Variants in SGMS1 observed in about 807,000 individuals in gnomAD.
The protein encoded by SGMS1 is phosphatidylcholine:ceramide cholinephosphotransferase 1.
In SGMS1, 13 loss-of-function variants were observed where a neutral mutation model predicts 46.2. The ratio of observed to expected loss-of-function variants is 0.28; its 90% CI spans 0.18 to 0.45. SGMS1 has a LOEUF of 0.45. SGMS1 is among the 20% of genes least tolerant of loss of function. The probability of loss-of-function intolerance (pLI) is 1.00; values close to 1 mark genes in which losing one functional copy is unlikely to be tolerated. For synonymous variants in SGMS1, 203 were observed against 187.8 expected, an observed-to-expected ratio of 1.08 and a Z score of -0.66; for missense variants, 324 against 519.9, an observed-to-expected ratio of 0.62 and a Z score of 3.66.
At chr10:50,503,620 C>A (rs970844009) in intron 3 of SGMS1, among the ~76,000 whole-genome samples, 3 of 152,226 alleles carry the variant, frequency 2.0e-5, no homozygotes, top group Non-Finnish European at 4.4e-5. Context: ...TCGGACTCAG[C>A]CCGCCTGCAC....
chr10:50,521,491 G>C (rs1837856508), intron 2 of SGMS1, among the ~76,000 whole-genome samples: 1 of 152,090 alleles, frequency 6.6e-6, no homozygotes, highest in Non-Finnish European at 1.5e-5. Flanking sequence ...GCCATATTCA[G>C]TTAACCTAAT....
Position 50,305,610 on chromosome 10 carries a change from G to A in SGMS1, c.*1532C>T, listed in dbSNP as rs1332546580. 1 of 152,646 alleles carries A rather than the reference G, an allele frequency of 6.6e-6. No homozygotes were observed. The highest frequency in any genetic ancestry group is 2.4e-5 in the African/African-American group (1 of 41,420). 9.5% of individuals were successfully genotyped at this position (152,646 alleles called of 1,614,324 possible). On this transcript the variant is annotated 3_prime_UTR_variant, in exon 11 of 11. Coordinates refer to ENST00000361781, the MANE Select transcript of SGMS1 (RefSeq NM_147156.4). ...TAGAAATAACAGCCATTTATTTTAA[G>A]TATCAGTTTTTATTAAAAAGTGCAT...
At chr10:50,411,772 C>T (rs79370472) in intron 6 of SGMS1, among the ~76,000 whole-genome samples, 2,251 of 152,248 alleles carry the variant, frequency 0.015, 60 homozygotes, top group African/African-American at 0.051. Context: ...AATTTTGTAT[C>T]ACCAGTTCAG....
intron 1 of SGMS1, among the ~76,000 whole-genome samples, chr10:50,623,084 G>A (rs560447050): frequency 6.6e-6 from 1 of 152,174 alleles, no homozygotes; most frequent in South Asian, 2.1e-4. Context: ...AGCCTGGCGG[G>A]CTGTTACGCG....
At chr10:50,501,826 A>G (rs1360107990) in intron 3 of SGMS1, among the ~76,000 whole-genome samples, 1 of 152,106 alleles carries the variant, frequency 6.6e-6, no homozygotes, top group Non-Finnish European at 1.5e-5. Flanking sequence ...TATCATTGAA[A>G]CCCTAAGAAA....
At chr10:50,501,097 C>T (rs1250846455) in intron 3 of SGMS1, among the ~76,000 whole-genome samples, 1 of 152,132 alleles carries the variant, frequency 6.6e-6, no homozygotes, top group Non-Finnish European at 1.5e-5. Flanking sequence ...GGCCTCCTTC[C>T]CTCTCATCCC....
chr10:50,443,696 G>A (rs1312264131), intron 5 of SGMS1, among the ~76,000 whole-genome samples: 2 of 151,868 alleles, frequency 1.3e-5, no homozygotes, highest in Non-Finnish European at 1.5e-5. Context: ...CCCATAGAAA[G>A]GAATGAGGAA....
intron 2 of SGMS1, among the ~76,000 whole-genome samples, chr10:50,558,359 T>A (rs1006441258): frequency 1.2e-4 from 18 of 152,210 alleles, no homozygotes; most frequent in African/African-American, 4.1e-4. Context: ...CACTCCCATG[T>A]ACTGAATCTA....
chr10:50,616,981 A>G (rs7096920), intron 1 of SGMS1, among the ~76,000 whole-genome samples: 37,787 of 152,142 alleles, frequency 0.25, 5,596 homozygotes, highest in African/African-American at 0.4. Flanking sequence ...ATATGGAAGT[A>G]TAAACATCCA....
intron 5 of SGMS1, among the ~76,000 whole-genome samples, chr10:50,445,770 G>C (rs1008852124): frequency 6.6e-6 from 1 of 152,200 alleles, no homozygotes; most frequent in African/African-American, 2.4e-5. Flanking sequence ...TAACAGCGAT[G>C]TTCAGGGAAC....
At chr10:50,527,980 A>G (rs954711904) in intron 2 of SGMS1, among the ~76,000 whole-genome samples, 7 of 152,218 alleles carry the variant, frequency 4.6e-5, no homozygotes, top group African/African-American at 1.7e-4. Context: ...AAAATTTATG[A>G]AAGAGTTTAG....
At chr10:50,441,748 C>T (rs889128590) in intron 5 of SGMS1, among the ~76,000 whole-genome samples, 1 of 152,196 alleles carries the variant, frequency 6.6e-6, no homozygotes, top group African/African-American at 2.4e-5. Context: ...ATTGGAGCAT[C>T]CTAATTTAAA....
At chr10:50,496,064 T>C (rs1311656303) in intron 3 of SGMS1, among the ~76,000 whole-genome samples, 2 of 152,210 alleles carry the variant, frequency 1.3e-5, no homozygotes, top group Non-Finnish European at 2.9e-5. Context: ...CTGAATCCAG[T>C]GTGTTACATG....
chr10:50,317,674 AAT>A (rs1847364977), intron 8 of SGMS1, among the ~76,000 whole-genome samples: 1 of 152,200 alleles, frequency 6.6e-6, no homozygotes, highest in Non-Finnish European at 1.5e-5. Flanking sequence ...ACCAATTTTA[AAT>A]ATGTCATTTA....
chr10:50,346,319 A>G (rs1359066417), intron 6 of SGMS1, among the ~76,000 whole-genome samples: 2 of 152,144 alleles, frequency 1.3e-5, no homozygotes. Context: ...CAAATTATCT[A>G]TTATATCCAG....
intron 3 of SGMS1, among the ~76,000 whole-genome samples, chr10:50,506,607 A>G (rs552150390): frequency 5.9e-5 from 9 of 152,232 alleles, no homozygotes; most frequent in Non-Finnish European, 1.2e-4. Context: ...AGCAAAGCAG[A>G]GCTGCCCACT....
chr10:50,531,386 T>TA (rs1837952044), intron 2 of SGMS1, among the ~76,000 whole-genome samples: 1 of 151,274 alleles, frequency 6.6e-6, no homozygotes, highest in Admixed American at 6.6e-5. Flanking sequence ...TTTTTTTTTT[T>TA]ATAAATTCCC....
intron 4 of SGMS1, among the ~76,000 whole-genome samples, chr10:50,462,472 T>C (rs897628552): frequency 2.6e-5 from 4 of 152,198 alleles, no homozygotes; most frequent in Admixed American, 6.5e-5. Context: ...AATGAAATAA[T>C]GTAACAAGTA....
intron 7 of SGMS1, among the ~76,000 whole-genome samples, chr10:50,327,630 C>G (rs151029807): frequency 1.3e-5 from 2 of 152,142 alleles, no homozygotes; most frequent in African/African-American, 4.8e-5. Context: ...GTGGAGCCCA[C>G]GCTGATTGGC....
Sources: gnomAD v4.1 joint callset for allele counts (sites outside exome capture counted in the v4.1 genomes callset) on GRCh38, gnomAD v4.1.1 for gene constraint, MANE v1.5 for transcripts, NCBI Gene and HGNC (gene_info 2026-07-23, HGNC 2026-07-21) for gene names.